Variants in RBFOX1 observed in about 807,000 individuals in gnomAD.
RBFOX1 encodes the protein RNA binding protein fox-1 homolog 1.
In RBFOX1, 8 loss-of-function variants were observed where a neutral mutation model predicts 57.7. The ratio of observed to expected loss-of-function variants is 0.14; its 90% CI spans 0.08 to 0.25. RBFOX1 has a LOEUF of 0.25. Ranked by LOEUF, RBFOX1 falls within the 10% of genes least tolerant of loss-of-function variation. RBFOX1 has a pLI of 1.00. For missense variants in RBFOX1, 611 were observed against 548.5 expected (o/e 1.11, Z -1.14); for synonymous variants, 326 against 222.4 (o/e 1.47, Z -4.15).
At chr16:7,076,285 GC>G (rs1353180278) in intron 4 of RBFOX1, among the ~76,000 whole-genome samples, 2 of 151,794 alleles carry the variant, frequency 1.3e-5, no homozygotes, top group African/African-American at 2.4e-5. Context: ...ACCTGCCTTG[GC>G]CTCTCAAAGT....
intron 3 of RBFOX1, among the ~76,000 whole-genome samples, chr16:5,715,629 G>T (rs537896425): frequency 6.6e-6 from 1 of 152,116 alleles, no homozygotes; most frequent in South Asian, 2.1e-4. Flanking sequence ...AATAATCTCC[G>T]TGCTGTCTCT....
At chr16:6,303,704 A>G (rs2079096125) in intron 1 of RBFOX1, among the ~76,000 whole-genome samples, 1 of 151,842 alleles carries the variant, frequency 6.6e-6, no homozygotes, top group Non-Finnish European at 1.5e-5. Context: ...GGCTGGGCAC[A>G]GTGGCTCATG....
chr16:6,984,065 T>G (rs527848593), intron 3 of RBFOX1, among the ~76,000 whole-genome samples: 3 of 152,232 alleles, frequency 2.0e-5, no homozygotes, highest in African/African-American at 4.8e-5. Flanking sequence ...CTGATCAACA[T>G]GGAGAAACCC....
intron 2 of RBFOX1, among the ~76,000 whole-genome samples, chr16:5,481,279 G>A (rs1282947208): frequency 6.6e-6 from 1 of 152,154 alleles, no homozygotes; most frequent in Non-Finnish European, 1.5e-5. Flanking sequence ...CCAGCATAAT[G>A]TCTGGTTTCT....
At chr16:5,734,360 C>A (rs2052495459) in intron 3 of RBFOX1, among the ~76,000 whole-genome samples, 1 of 152,208 alleles carries the variant, frequency 6.6e-6, no homozygotes, top group East Asian at 1.9e-4. Flanking sequence ...CCCAGGGGTT[C>A]AAGGCTGCAG....
At position 6,362,400 on chromosome 16, in the gene RBFOX1, A is replaced by C. The variant is rs577242307; in HGVS notation, c.-64+45343A>C. ...CCAAATGCTTGGGAAGTTTTCATAA[A>C]ATTGAATGTACATAAATAATACATG... On this transcript the variant is annotated intron_variant, in intron 2 of 15. Transcript: ENST00000550418. Among the ~76,000 whole-genome samples the C allele has an allele frequency of 2.0e-5, 3 of 152,174 alleles. No individual in the cohort carries two copies. In the South Asian group the frequency reaches 6.2e-4, roughly 32 times the overall value.
intron 3 of RBFOX1, among the ~76,000 whole-genome samples, chr16:6,798,318 A>G (rs900301073): frequency 1.3e-5 from 2 of 152,134 alleles, no homozygotes; most frequent in African/African-American, 4.8e-5. Flanking sequence ...CATTTTTGAT[A>G]AACTCTGAAA....
chr16:7,426,754 A>G (rs899494830), intron 4 of RBFOX1, among the ~76,000 whole-genome samples: 1 of 152,004 alleles, frequency 6.6e-6, no homozygotes, highest in Admixed American at 6.6e-5. Flanking sequence ...GTTAGAAGCT[A>G]GAGTGAAGTG....
intron 1 of RBFOX1, among the ~76,000 whole-genome samples, chr16:5,281,234 T>G (rs558416351): frequency 6.6e-6 from 1 of 152,336 alleles, no homozygotes; most frequent in South Asian, 2.1e-4. Flanking sequence ...TTTGTACAGT[T>G]TCCAAATTTC....
intron 3 of RBFOX1, among the ~76,000 whole-genome samples, chr16:6,690,032 A>C (rs2154131620): frequency 6.6e-6 from 1 of 152,294 alleles, no homozygotes; most frequent in Middle Eastern, 3.4e-3. Context: ...TTCTTTGGGT[A>C]ATCTTTTGAA....
intron 3 of RBFOX1, among the ~76,000 whole-genome samples, chr16:6,972,263 C>G (rs1347103727): frequency 3.9e-5 from 6 of 152,050 alleles, no homozygotes; most frequent in African/African-American, 1.4e-4. Flanking sequence ...CTCCCTCTCC[C>G]CAGCCCCTGG....
At chr16:6,176,060 T>C (rs532089251) in intron 1 of RBFOX1, among the ~76,000 whole-genome samples, 2 of 152,130 alleles carry the variant, frequency 1.3e-5, no homozygotes, top group Admixed American at 1.3e-4. Context: ...TGCAAAACTA[T>C]TGGTTTCATA....
intron 1 of RBFOX1, among the ~76,000 whole-genome samples, chr16:6,130,312 G>A (rs1382350042): frequency 6.6e-6 from 1 of 152,026 alleles, no homozygotes; most frequent in African/African-American, 2.4e-5. Context: ...TTTAACAGAA[G>A]CCACATAATA....
chr16:6,807,285 C>T (rs190034562), intron 3 of RBFOX1, among the ~76,000 whole-genome samples: 3 of 152,028 alleles, frequency 2.0e-5, no homozygotes, highest in Admixed American at 2.0e-4. Flanking sequence ...GGGAACTAAA[C>T]AGCAGATTCA....
At chr16:6,748,431 C>A (rs2074238729) in intron 3 of RBFOX1, among the ~76,000 whole-genome samples, 1 of 152,102 alleles carries the variant, frequency 6.6e-6, no homozygotes, top group Non-Finnish European at 1.5e-5. Context: ...AAGGCCGAGG[C>A]AGGAGGATTG....
At chr16:5,679,315 C>G (rs1248401488) in intron 3 of RBFOX1, among the ~76,000 whole-genome samples, 1 of 151,878 alleles carries the variant, frequency 6.6e-6, no homozygotes, top group Non-Finnish European at 1.5e-5. Flanking sequence ...AGTTGTATGA[C>G]TGACCACCAA....
chr16:7,478,183 A>C (rs1443359078), intron 4 of RBFOX1, among the ~76,000 whole-genome samples: 1 of 152,220 alleles, frequency 6.6e-6, no homozygotes, highest in East Asian at 1.9e-4. Context: ...ACAGCTTTTC[A>C]CTTCACCCAG....
At chr16:6,251,819 C>A (rs977043816) in intron 1 of RBFOX1, among the ~76,000 whole-genome samples, 3 of 152,040 alleles carry the variant, frequency 2.0e-5, no homozygotes, top group African/African-American at 7.2e-5. Flanking sequence ...CCCTGCCTCT[C>A]CTTGCCAGAG....
At chr16:6,013,930 G>A (rs752537998) in intron 4 of RBFOX1, among the ~76,000 whole-genome samples, 2 of 148,164 alleles carry the variant, frequency 1.3e-5, no homozygotes, top group African/African-American at 2.5e-5. Flanking sequence ...CTTGGACACA[G>A]CAAGGGGAAC....
Sources: gnomAD v4.1 joint callset for allele counts (sites outside exome capture counted in the v4.1 genomes callset) on GRCh38, gnomAD v4.1.1 for gene constraint, MANE v1.5 for transcripts, NCBI Gene and HGNC (gene_info 2026-07-23, HGNC 2026-07-21) for gene names.